The following GALNT17 variants were observed in gnomAD, a reference collection of about 807,000 sequenced individuals.
GALNT17 encodes the protein polypeptide N-acetylgalactosaminyltransferase 17.
In GALNT17, 29 loss-of-function variants were observed where a neutral mutation model predicts 63.7. That is an observed-to-expected ratio of 0.46 (90% CI 0.34 to 0.62). The LOEUF is 0.62. Among genes scored for constraint, GALNT17 ranks in the 20% least tolerant of loss-of-function variants. The pLI, the probability that GALNT17 is intolerant of heterozygous loss-of-function variation, is 0.01. For synonymous variants in GALNT17, 305 were observed against 318.3 expected (o/e 0.96, Z 0.45); for missense variants, 603 against 799.6 (o/e 0.75, Z 2.97).
chr7:71,138,728 T>C (rs6951608), intron 1 of GALNT17, among the ~76,000 whole-genome samples: 119,063 of 152,156 alleles, frequency 0.78, 47,247 homozygotes, highest in East Asian at 0.99. Flanking sequence ...AATCCCAGCA[T>C]TTTGGGAGGC....
At chr7:71,134,383 G>C (rs777486681) in intron 1 of GALNT17, among the ~76,000 whole-genome samples, 2 of 152,214 alleles carry the variant, frequency 1.3e-5, no homozygotes, top group Admixed American at 1.3e-4. Flanking sequence ...TGTCTTCACT[G>C]TGGTGGCAAG....
At chr7:71,672,824 T>C (rs1017883412) in intron 8 of GALNT17, among the ~76,000 whole-genome samples, 3 of 152,228 alleles carry the variant, frequency 2.0e-5, no homozygotes, top group African/African-American at 7.2e-5. Context: ...GTACTGGGGT[T>C]ACAGGCGTGA....
chr7:71,600,368 G>A (rs546367712), intron 6 of GALNT17, among the ~76,000 whole-genome samples: 1 of 147,642 alleles, frequency 6.8e-6, no homozygotes, highest in Admixed American at 6.7e-5. Context: ...TAGGAAACTG[G>A]ATATTGAACT....
intron 6 of GALNT17, among the ~76,000 whole-genome samples, chr7:71,662,402 A>G (rs1790922452): frequency 6.6e-6 from 1 of 152,016 alleles, no homozygotes; most frequent in Non-Finnish European, 1.5e-5. Context: ...ATATATTCAC[A>G]TACCATTATA....
intron 1 of GALNT17, among the ~76,000 whole-genome samples, chr7:71,265,114 ATATATTTTTTTTTTT>A (rs1201138619): frequency 2.5e-5 from 1 of 40,112 alleles, no homozygotes. Context: ...ATATATATAT[ATATATTTTTTTTTTT>A]TTTTTTTTTT....
intron 5 of GALNT17, among the ~76,000 whole-genome samples, chr7:71,464,843 T>C (rs1563112791): frequency 6.7e-6 from 1 of 149,700 alleles, no homozygotes; most frequent in East Asian, 1.9e-4. Context: ...TCAATACACA[T>C]TAGTTCCAGA....
chr7:71,570,706 A>G (rs1374792014), intron 5 of GALNT17, among the ~76,000 whole-genome samples: 1 of 152,140 alleles, frequency 6.6e-6, no homozygotes, highest in African/African-American at 2.4e-5. Context: ...CAGGCTGGGC[A>G]TGGTGTTTCA....
chr7:71,286,883 T>C (rs1204498259), intron 1 of GALNT17, among the ~76,000 whole-genome samples: 1 of 151,856 alleles, frequency 6.6e-6, no homozygotes, highest in Non-Finnish European at 1.5e-5. Context: ...CCTGACCTCC[T>C]GGGCTCAAGC....
At chr7:71,146,994 T>C (rs2116197901) in intron 1 of GALNT17, among the ~76,000 whole-genome samples, 1 of 152,298 alleles carries the variant, frequency 6.6e-6, no homozygotes, top group Middle Eastern at 3.4e-3. Flanking sequence ...TGTAGTTACA[T>C]ACAGCTTGTT....
At chr7:71,554,805 C>G (rs1789135436) in intron 5 of GALNT17, among the ~76,000 whole-genome samples, 1 of 152,258 alleles carries the variant, frequency 6.6e-6, no homozygotes, top group Non-Finnish European at 1.5e-5. Flanking sequence ...GAGACCTTCT[C>G]TTATGTCTGT....
Position 71,145,708 on chromosome 7 carries a change from T to C in GALNT17, c.238+12668T>C, listed in dbSNP as rs1266739004. ...AAAGTTCATACGGGTTTCTTAATTT[T>C]TTTATTTTTATTTTTTGAGAAGGAG... On this transcript the variant is annotated intron_variant, in intron 1 of 10. Coordinates refer to ENST00000333538, the MANE Select transcript of GALNT17 (RefSeq NM_022479.3). Among the ~76,000 whole-genome samples, 4 of 152,246 alleles carry C rather than the reference T, an allele frequency of 2.6e-5. No individual in the cohort carries two copies. In the East Asian group the frequency reaches 7.7e-4, roughly 29 times the overall value.
At chr7:71,414,511 G>A (rs1380223846) in intron 3 of GALNT17, among the ~76,000 whole-genome samples, 1 of 152,080 alleles carries the variant, frequency 6.6e-6, no homozygotes, top group Non-Finnish European at 1.5e-5. Context: ...AAGGCCAGTG[G>A]TAATGACCCA....
intron 5 of GALNT17, among the ~76,000 whole-genome samples, chr7:71,501,002 C>A (rs1041067748): frequency 3.9e-5 from 6 of 151,984 alleles, no homozygotes; most frequent in African/African-American, 1.5e-4. Flanking sequence ...CAGATTCTTA[C>A]TCCATTACCC....
intron 1 of GALNT17, among the ~76,000 whole-genome samples, chr7:71,265,735 A>G (rs1790481499): frequency 6.6e-6 from 1 of 152,310 alleles, no homozygotes; most frequent in Non-Finnish European, 1.5e-5. Flanking sequence ...CATGAGGTCC[A>G]TGGGTGGAGG....
At chr7:71,169,325 G>A (rs1393529807) in intron 1 of GALNT17, among the ~76,000 whole-genome samples, 2 of 152,076 alleles carry the variant, frequency 1.3e-5, no homozygotes, top group African/African-American at 4.8e-5. Context: ...CGTGCATCCT[G>A]GGAACCCTCT....
At chr7:71,431,458 C>A (rs909048681) in intron 5 of GALNT17, among the ~76,000 whole-genome samples, 1 of 152,064 alleles carries the variant, frequency 6.6e-6, no homozygotes, top group African/African-American at 2.4e-5. Context: ...GATACACCCT[C>A]CTCAGCCTCC....
At chr7:71,651,530 T>A (rs911568081) in intron 6 of GALNT17, among the ~76,000 whole-genome samples, 1 of 152,042 alleles carries the variant, frequency 6.6e-6, no homozygotes, top group Admixed American at 6.6e-5. Flanking sequence ...TCTCCATCTC[T>A]TGACCTCATG....
chr7:71,267,633 GCTCTTTTATT>G (rs1368338529), intron 1 of GALNT17, among the ~76,000 whole-genome samples: 4 of 152,114 alleles, frequency 2.6e-5, no homozygotes, highest in African/African-American at 9.7e-5. Context: ...GTGTGTACTG[GCTCTTTTATT>G]CCCCTTTATC....
intron 6 of GALNT17, among the ~76,000 whole-genome samples, chr7:71,650,886 G>A (rs890617366): frequency 4.6e-5 from 7 of 152,276 alleles, no homozygotes; most frequent in African/African-American, 9.6e-5. Flanking sequence ...TAAAGGCTAT[G>A]AGCCTGGCAG....
Sources: allele counts gnomAD v4.1 joint callset (sites outside exome capture counted in the v4.1 genomes callset), GRCh38; gene constraint gnomAD v4.1.1; transcripts MANE v1.5; gene names NCBI Gene and HGNC (gene_info 2026-07-23, HGNC 2026-07-21).